Variants in CLEC9A observed in about 807,000 individuals in gnomAD.
CLEC9A encodes the protein C-type lectin domain containing 9A, also known as C-type lectin domain family 9 member A.
Under a neutral mutation model 30.0 loss-of-function variants are expected in CLEC9A, and 24 were observed. The observed-to-expected ratio is 0.80, with a 90% confidence interval of 0.58 to 1.13. The LOEUF (loss-of-function observed/expected upper bound fraction) is 1.13, where lower values mean the gene tolerates loss of function less well. Among genes scored for constraint, CLEC9A ranks in the 50% most tolerant of loss-of-function variants. The probability of loss-of-function intolerance (pLI) is 0.00; values close to 1 mark genes in which losing one functional copy is unlikely to be tolerated. For missense variants in CLEC9A, 251 were observed against 280.9 expected (o/e 0.89, Z 0.76); for synonymous variants, 111 against 96.8 (o/e 1.15, Z -0.86).
At chr12:10,063,296 T>G in intron 7 of CLEC9A, 90 bp downstream of exon 7, 1 of 1,205,034 alleles carries the variant, frequency 8.3e-7, no homozygotes, top group South Asian at 2.1e-5. Flanking sequence ...CAAAATTCCT[T>G]AATATTCTAT....
intron 1 of CLEC9A, among the ~76,000 whole-genome samples, chr12:10,036,739 A>G (rs900340342): frequency 2.6e-5 from 4 of 152,342 alleles, no homozygotes; most frequent in East Asian, 3.9e-4. Context: ...TCTATGAAAG[A>G]CATCAAAGTG....
chr12:10,061,665 T>C (rs1396709258), intron 6 of CLEC9A, among the ~76,000 whole-genome samples: 1 of 152,208 alleles, frequency 6.6e-6, no homozygotes, highest in African/African-American at 2.4e-5. Flanking sequence ...TTTAGATAGC[T>C]TTGAGCAAAA....
rs541696511 is a variant in CLEC9A at position 10,061,403 on chromosome 12, G to T, written c.319+130G>T. 2.1e-5 allele frequency: 20 copies of T among 937,962 alleles called. No homozygotes were observed. In the South Asian group the frequency reaches 4.0e-4, roughly 19 times the overall value. The allele number at this position is 937,962 out of a possible 1,614,324, so 58.1% of individuals were successfully genotyped here. On this transcript the variant is annotated intron_variant, in intron 6 of 8. Transcript: ENST00000355819. ...TTTATAATAAGAGTGACATAATTTT[G>T]GTCACTCTTCAGTTCAATCTTATTT... is the stretch of plus-strand genomic sequence containing the variant.
intron 5 of CLEC9A, among the ~76,000 whole-genome samples, chr12:10,056,120 T>G (rs1310132023): frequency 6.6e-6 from 1 of 151,376 alleles, no homozygotes; most frequent in African/African-American, 2.4e-5. Flanking sequence ...TCAAAAGATT[T>G]GCTGTTCAGT....
intron 1 of CLEC9A, among the ~76,000 whole-genome samples, chr12:10,031,454 C>T (rs1438103226): frequency 6.6e-6 from 1 of 152,164 alleles, no homozygotes; most frequent in East Asian, 1.9e-4. Flanking sequence ...TGTTGATTTC[C>T]TTTAATCTGT....
intron 1 of CLEC9A, among the ~76,000 whole-genome samples, chr12:10,034,028 AAT>A (rs1355836194): frequency 6.6e-6 from 1 of 152,252 alleles, no homozygotes; most frequent in African/African-American, 2.4e-5. Flanking sequence ...TAAATGTATT[AAT>A]ATAGTCACCC....
rs1241557520 is a variant in CLEC9A, at chr12:10,061,244, A to T, written c.290A>T (p.Gln97Leu). Residue 97 changes from glutamine (Q) to leucine (L), a missense_variant, in exon 6 of 9, where the codon CAA becomes CTA. Transcript: ENST00000355819. ...TGTGCCCTTCAGATGAAATATTGCC[A>T]AGCCTTCATGCAAAACTCATTAAGT... ...RSCALQMKYCQAFMQNSLSSA... is the reference protein window; with the variant it reads ...RSCALQMKYCLAFMQNSLSSA... 6 of 1,612,008 alleles carry T rather than the reference A, an allele frequency of 3.7e-6. No individual in the cohort carries two copies. In the African/African-American group the frequency reaches 6.7e-5, roughly 18 times the overall value.
intron 5 of CLEC9A, 38 bp from the exon 6 acceptor site, chr12:10,061,089 G>C: frequency 6.3e-7 from 1 of 1,596,754 alleles, no homozygotes. Context: ...GCTATAAAAT[G>C]TCAGGATTTT....
chr12:10,063,937 G>A (rs999951523), intron 7 of CLEC9A, among the ~76,000 whole-genome samples: 2 of 152,112 alleles, frequency 1.3e-5, no homozygotes. Flanking sequence ...GAACCCAGGA[G>A]GTAGAGGTTT....
chr12:10,054,364 A>T lies in CLEC9A; in HGVS notation c.172+13A>T. 6.5e-7 allele frequency: 1 copy of T among 1,550,214 alleles called. No homozygotes were observed. The highest frequency in any genetic ancestry group is 8.9e-7 in the Non-Finnish European group (1 of 1,127,494). On this transcript the variant is annotated intron_variant, in intron 5 of 8. Coordinates refer to ENST00000355819, the MANE Select transcript of CLEC9A (RefSeq NM_207345.4). ...TTGGGCGTCAAGTGTAAGTACTAAA[A>T]GATATTTTCAAAATATGTATATCGT...
At position 10,061,127 on chromosome 12, in the gene CLEC9A, T is replaced by C; in HGVS notation, c.173T>C (p.Leu58Ser). ...LTASIFLGVKLLQVSTIAMQQ... is the reference protein window; with the variant it reads ...LTASIFLGVKSLQVSTIAMQQ... ...TAGGAATGATTGCTATCATGTGAAG[T>C]GTTGCAGGTGTCCACCATTGCGATG... Residue 58 changes from leucine (L) to serine (S), a missense_variant and splice_region_variant, in exon 6 of 9, where the codon TTG becomes TCG. Leu to Ser is a moderately radical substitution (Grantham distance 145). Coordinates refer to ENST00000355819, the MANE Select transcript of CLEC9A (RefSeq NM_207345.4). 2 of 1,609,168 alleles carry C rather than the reference T, an allele frequency of 1.2e-6. No homozygotes were observed. The highest frequency in any genetic ancestry group is 1.1e-5 in the South Asian group (1 of 89,922).
intron 5 of CLEC9A, among the ~76,000 whole-genome samples, chr12:10,058,467 CT>C (rs1256323952): frequency 3.3e-5 from 5 of 152,194 alleles, no homozygotes; most frequent in Non-Finnish European, 5.9e-5. Flanking sequence ...TAGTCCATGG[CT>C]TTTGATTTCT....
At chr12:10,045,470 C>A in intron 2 of CLEC9A, 1 of 195,872 alleles carries the variant, frequency 5.1e-6, no homozygotes. Context: ...TTTATTCTAC[C>A]TTTCCCATTC....
intron 1 of CLEC9A, among the ~76,000 whole-genome samples, chr12:10,035,481 G>T (rs548290743): frequency 6.6e-6 from 1 of 152,310 alleles, no homozygotes; most frequent in Non-Finnish European, 1.5e-5. Context: ...AAAGTGCAAT[G>T]GCAAATATAC....
intron 2 of CLEC9A, among the ~76,000 whole-genome samples, chr12:10,045,986 G>A (rs766887443): frequency 5.3e-5 from 8 of 152,082 alleles, no homozygotes; most frequent in East Asian, 1.9e-4. Context: ...GCAAAATATC[G>A]AAGCTTAAAA....
intron 5 of CLEC9A, among the ~76,000 whole-genome samples, chr12:10,057,426 T>A (rs193143157): frequency 5.9e-5 from 9 of 152,006 alleles, no homozygotes; most frequent in African/African-American, 2.2e-4. Context: ...TATCATAACA[T>A]GAACATAATG....
At chr12:10,048,181 C>G (rs1430206528) in intron 2 of CLEC9A, among the ~76,000 whole-genome samples, 1 of 149,512 alleles carries the variant, frequency 6.7e-6, no homozygotes, top group Non-Finnish European at 1.5e-5. Flanking sequence ...TGCAGTGAGC[C>G]GAGATTGCGC....
intron 2 of CLEC9A, among the ~76,000 whole-genome samples, chr12:10,050,700 T>C (rs919365201): frequency 2.0e-5 from 3 of 152,206 alleles, no homozygotes; most frequent in Non-Finnish European, 4.4e-5. Flanking sequence ...TTTTTAGTGC[T>C]GATAAAATTT....
At chr12:10,053,840 G>GT (rs1269984242) in intron 4 of CLEC9A, among the ~76,000 whole-genome samples, 1 of 151,802 alleles carries the variant, frequency 6.6e-6, no homozygotes, top group African/African-American at 2.4e-5. Flanking sequence ...TTTAAAATGT[G>GT]TATCTTTCTT....
Sources: gnomAD v4.1 joint callset for allele counts (sites outside exome capture counted in the v4.1 genomes callset) on GRCh38, gnomAD v4.1.1 for gene constraint, MANE v1.5 for transcripts, NCBI Gene and HGNC (gene_info 2026-07-23, HGNC 2026-07-21) for gene names.